The following TENM3 variants were observed in gnomAD, a reference collection of about 807,000 sequenced individuals.
TENM3 encodes the protein teneurin transmembrane protein 3.
Under a neutral mutation model 255.1 loss-of-function variants are expected in TENM3, and 63 were observed. The ratio of observed to expected loss-of-function variants is 0.25; its 90% CI spans 0.20 to 0.30. The LOEUF (loss-of-function observed/expected upper bound fraction) is 0.30. Ranked by LOEUF, TENM3 falls within the 10% of genes least tolerant of loss-of-function variation. The pLI, the probability that TENM3 is intolerant of heterozygous loss-of-function variation, is 1.00. For synonymous variants in TENM3, 1,306 were observed against 1,322.3 expected, an observed-to-expected ratio of 0.99 and a Z score of 0.27; for missense variants, 2,929 against 3,461.1, an observed-to-expected ratio of 0.85 and a Z score of 3.86.
the TENM3 span, among the ~76,000 whole-genome samples, chr4:182,025,481 G>A: frequency 1.3e-5 from 2 of 152,084 alleles, no homozygotes; most frequent in Non-Finnish European, 2.9e-5. Context: ...TAAAAAATAT[G>A]GGAGTGCAGG....
intron 1 of TENM3, among the ~76,000 whole-genome samples, chr4:182,278,217 A>G (rs949048581): frequency 6.6e-6 from 1 of 152,054 alleles, no homozygotes; most frequent in South Asian, 2.1e-4. Flanking sequence ...AAATACAAAA[A>G]TTAGTTGGGT....
At chr4:181,914,739 C>T in the TENM3 span, among the ~76,000 whole-genome samples, 23 of 151,986 alleles carry the variant, frequency 1.5e-4, no homozygotes, top group South Asian at 3.1e-3. Context: ...AGCTACATCC[C>T]GAAGAAGACA....
chr4:182,049,541 G>A, the TENM3 span, among the ~76,000 whole-genome samples: 1 of 152,220 alleles, frequency 6.6e-6, no homozygotes, highest in Non-Finnish European at 1.5e-5. Context: ...CTTCAGCGGG[G>A]AAGTTCAGCG....
chr4:181,911,400 G>A, the TENM3 span, among the ~76,000 whole-genome samples: 6 of 152,182 alleles, frequency 3.9e-5, no homozygotes, highest in Admixed American at 6.6e-5. Flanking sequence ...CCTCTTTGGA[G>A]TTACAATAAA....
At chr4:182,466,385 C>T (rs1223517854) in intron 3 of TENM3, among the ~76,000 whole-genome samples, 1 of 152,170 alleles carries the variant, frequency 6.6e-6, no homozygotes, top group African/African-American at 2.4e-5. Flanking sequence ...CATTTTACCT[C>T]CATTTTCATG....
chr4:182,117,184 C>T, the TENM3 span, among the ~76,000 whole-genome samples: 1 of 152,122 alleles, frequency 6.6e-6, no homozygotes, highest in African/African-American at 2.4e-5. Flanking sequence ...CTTTGGATAA[C>T]AGTTCTTCAT....
chr4:182,784,375 G>C (rs1765443252), intron 24 of TENM3, among the ~76,000 whole-genome samples: 1 of 151,924 alleles, frequency 6.6e-6, no homozygotes, highest in African/African-American at 2.4e-5. Context: ...CAGGGGTCAG[G>C]GGTCAGGGAC....
chr4:182,359,320 G>T (rs1424460150), intron 3 of TENM3, among the ~76,000 whole-genome samples: 18 of 152,026 alleles, frequency 1.2e-4, no homozygotes, highest in Non-Finnish European at 4.4e-5. Context: ...GCACCTCTGG[G>T]AGAATTCGGC....
chr4:181,889,566 C>T, the TENM3 span, among the ~76,000 whole-genome samples: 5 of 152,200 alleles, frequency 3.3e-5, no homozygotes, highest in African/African-American at 7.2e-5. Flanking sequence ...ATTTAATGAT[C>T]GTGGTAGTCG....
At chr4:182,381,276 T>C (rs1385822157) in intron 3 of TENM3, among the ~76,000 whole-genome samples, 1 of 152,144 alleles carries the variant, frequency 6.6e-6, no homozygotes, top group Non-Finnish European at 1.5e-5. Flanking sequence ...ATCCCTAGTG[T>C]GTCTCCCTAG....
At chr4:181,795,324 A>T in the TENM3 span, among the ~76,000 whole-genome samples, 1 of 151,926 alleles carries the variant, frequency 6.6e-6, no homozygotes, top group Non-Finnish European at 1.5e-5. Flanking sequence ...CAGACACCTT[A>T]TTGGTGTATA....
chr4:182,413,126 A>G lies in TENM3; in HGVS notation c.511+66197A>G, dbSNP rs553126410. On this transcript the variant is annotated intron_variant, in intron 3 of 27. Coordinates refer to ENST00000511685, the MANE Select transcript of TENM3 (RefSeq NM_001080477.4). ...AATAAGAAACATGAAGGATGAAATG[A>G]TAGTCTACAAAGTATAATATGAACA... Among the ~76,000 whole-genome samples the G allele has an allele frequency of 5.3e-5, 8 of 152,220 alleles. No individual in the cohort carries two copies. In the South Asian group the frequency reaches 6.2e-4, roughly 12 times the overall value.
chr4:182,423,791 A>G (rs1580489325), intron 3 of TENM3, among the ~76,000 whole-genome samples: 1 of 152,322 alleles, frequency 6.6e-6, no homozygotes, highest in East Asian at 1.9e-4. Flanking sequence ...TAGTTTTAAT[A>G]TATTCTAATG....
the TENM3 span, among the ~76,000 whole-genome samples, chr4:181,854,012 A>G: frequency 2.6e-5 from 4 of 152,256 alleles, no homozygotes; most frequent in Non-Finnish European, 4.4e-5. Flanking sequence ...TACAGTTGGA[A>G]GTATAACACA....
At chr4:182,240,266 C>G (rs1030316631), upstream of TENM3, among the ~76,000 whole-genome samples, 1 of 152,080 alleles carries the variant, frequency 6.6e-6, no homozygotes, top group African/African-American at 2.4e-5. Flanking sequence ...TTGTGTTGGG[C>G]TTGTCTTGTC....
chr4:181,905,157 C>T, the TENM3 span, among the ~76,000 whole-genome samples: 3 of 152,194 alleles, frequency 2.0e-5, no homozygotes, highest in South Asian at 2.1e-4. Flanking sequence ...GTACATGCTC[C>T]TGTGTTTTCC....
intron 2 of TENM3, among the ~76,000 whole-genome samples, chr4:182,329,153 C>T (rs1490131845): frequency 2.6e-5 from 4 of 152,140 alleles, no homozygotes; most frequent in East Asian, 1.9e-4. Context: ...GAGCAGTGAT[C>T]GAGGGTACAC....
rs541196452 is a variant in TENM3 at position 182,741,938 on chromosome 4, C to T, written c.3380-1232C>T. 3.3e-5 allele frequency among the ~76,000 whole-genome samples: 5 copies of T among 152,318 alleles called. No individual in the cohort carries two copies. In the South Asian group the frequency reaches 1.0e-3, roughly 32 times the overall value. ...CCGAAGTGGGGGGAAAAAGCACTTT[C>T]TCAAGTTTCCTGATTGTACTTTCGT... On this transcript the variant is annotated intron_variant, in intron 18 of 27. Coordinates refer to ENST00000511685, the MANE Select transcript of TENM3 (RefSeq NM_001080477.4).
At chr4:181,535,076 A>T in the TENM3 span, among the ~76,000 whole-genome samples, 1 of 152,084 alleles carries the variant, frequency 6.6e-6, no homozygotes, top group African/African-American at 2.4e-5. Context: ...CAGTGTTCTC[A>T]TGGAGTCTGT....
Sources: gnomAD v4.1 joint callset for allele counts (sites outside exome capture counted in the v4.1 genomes callset) on GRCh38, gnomAD v4.1.1 for gene constraint, MANE v1.5 for transcripts, NCBI Gene and HGNC (gene_info 2026-07-23, HGNC 2026-07-21) for gene names.